Variants in CMPK2 observed in about 807,000 individuals in gnomAD.
The protein encoded by CMPK2 is cytidine/uridine monophosphate kinase 2, also known as UMP-CMP kinase 2, mitochondrial.
In CMPK2, 32 loss-of-function variants were observed where a neutral mutation model predicts 33.4. The ratio of observed to expected loss-of-function variants is 0.96; its 90% CI spans 0.72 to 1.29. The LOEUF (loss-of-function observed/expected upper bound fraction) is 1.29, where lower values mean the gene tolerates loss of function less well. CMPK2 is among the 50% of genes most tolerant of loss of function. The pLI, the probability that CMPK2 is intolerant of heterozygous loss-of-function variation, is 0.00. For missense variants in CMPK2, 672 were observed against 616.0 expected (o/e 1.09, Z -0.96); for synonymous variants, 299 against 275.3 (o/e 1.09, Z -0.85).
intron 3 of CMPK2, among the ~76,000 whole-genome samples, chr2:6,856,644 C>A (rs1662710724): frequency 1.3e-5 from 2 of 152,212 alleles, no homozygotes; most frequent in African/African-American, 4.8e-5. Context: ...TCCTTCTGAT[C>A]TCCTTATCAA....
rs894719630 is a variant in CMPK2, at chr2:6,865,304, GAA to G, written c.391_392del (p.Phe131ProfsTer8). 1 of 1,521,948 alleles carries G rather than the reference GAA, an allele frequency of 6.6e-7. No homozygotes were observed. The highest frequency in any genetic ancestry group is 8.8e-7 in the Non-Finnish European group (1 of 1,142,838). The allele number at this position is 1,521,948 out of a possible 1,614,324, so 94.3% of individuals were successfully genotyped here. A position where few individuals can be genotyped will look rare whatever the true frequency, so the allele number is the denominator to read the frequency against. ...GGQAGGAQQG[F>X]LLRDPLDDPD... ...GGTCATCCAGGGGGTCGCGCAGCAG[GAA>G]GCCTTGCTGTGCGCCGCCGGCCTGG... On this transcript the variant is annotated frameshift_variant, in exon 1 of 5. Transcript: ENST00000256722. LOFTEE classifies it high-confidence loss of function.
At chr2:6,858,193 G>A (rs959202230) in intron 3 of CMPK2, among the ~76,000 whole-genome samples, 1 of 150,986 alleles carries the variant, frequency 6.6e-6, no homozygotes, top group Non-Finnish European at 1.5e-5. Flanking sequence ...CTGTTAACCC[G>A]GGAATTTTCA....
In CMPK2 at chr2:6,848,895, G is replaced by A. The variant is rs944614460; in HGVS notation, c.*955C>T. On this transcript the variant is annotated 3_prime_UTR_variant, in exon 5 of 5. Transcript: ENST00000256722. ...AAGAAATCCCACTCCAAGATCCACT[G>A]TACTTATTTAACAAGACAAATTAAG... 1.0e-6 allele frequency: 1 copy of A among 985,412 alleles called. No homozygotes were observed. The highest frequency in any genetic ancestry group is 1.7e-5 in the African/African-American group (1 of 57,206). 61.0% of individuals were successfully genotyped at this position (985,412 alleles called of 1,614,324 possible). A position where few individuals can be genotyped will look rare whatever the true frequency, so the allele number is the denominator to read the frequency against.
downstream of CMPK2, among the ~76,000 whole-genome samples, chr2:6,847,872 C>A (rs1662400239): frequency 6.6e-6 from 1 of 152,112 alleles, no homozygotes; most frequent in African/African-American, 2.4e-5. Flanking sequence ...ACCCATGTAC[C>A]AAGCTAAATA....
rs1413211655 is a variant in CMPK2, at chr2:6,848,816, G to A, written c.*1034C>T. The A allele has an allele frequency of 1.0e-6, 1 of 985,638 alleles. No homozygotes were observed. The highest frequency in any genetic ancestry group is 1.2e-6 in the Non-Finnish European group (1 of 829,892). 61.1% of individuals were successfully genotyped at this position (985,638 alleles called of 1,614,324 possible). A position where few individuals can be genotyped will look rare whatever the true frequency, so the allele number is the denominator to read the frequency against. On this transcript the variant is annotated 3_prime_UTR_variant, in exon 5 of 5. Transcript: ENST00000256722. The stretch of plus-strand genomic sequence containing the variant: ...GCTACTTTTTTCTGTCTAAAGATAT[G>A]TCAAAGCGATTTCATATGTAATCAT...
Position 6,865,432 on chromosome 2 carries a change from C to T in CMPK2, c.265G>A (p.Val89Ile), listed in dbSNP as rs1003752458. ...CGCTGGTGCAGCCGCGCCGCCCGGA[C>T]CCGGGCCCCGCAGCCGGCGTCCGGG... is the stretch of plus-strand genomic sequence containing the variant. ...VTPDAGCGARVRAARLHQRLL... is the reference protein window; with the variant it reads ...VTPDAGCGARIRAARLHQRLL... Residue 89 changes from valine (V) to isoleucine (I), a missense_variant, in exon 1 of 5, where the codon GTC becomes ATC. Coordinates refer to ENST00000256722, the MANE Select transcript of CMPK2 (RefSeq NM_207315.4). 1.6e-6 allele frequency: 2 copies of T among 1,288,866 alleles called. No individual in the cohort carries two copies. The highest frequency in any genetic ancestry group is 9.8e-7 in the Non-Finnish European group (1 of 1,023,968). 79.8% of individuals were successfully genotyped at this position (1,288,866 alleles called of 1,614,324 possible).
chr2:6,863,134 C>A (rs972958683), intron 2 of CMPK2, among the ~76,000 whole-genome samples: 1 of 152,206 alleles, frequency 6.6e-6, no homozygotes, highest in African/African-American at 2.4e-5. Context: ...CTGCTTTCAT[C>A]ACCTGACCAA....
At chr2:6,850,980 C>G in intron 4 of CMPK2, 1 of 1,001,508 alleles carries the variant, frequency 1.0e-6, no homozygotes, top group Non-Finnish European at 1.2e-6. Context: ...TACATTTAGA[C>G]AAATCACTTA....
chr2:6,860,957 G>T (rs1662856439), intron 3 of CMPK2, among the ~76,000 whole-genome samples: 2 of 152,132 alleles, frequency 1.3e-5, no homozygotes, highest in Non-Finnish European at 2.9e-5. Flanking sequence ...CCAGATACTA[G>T]TATTATATAT....
At chr2:6,853,733 T>C (rs1662594001) in intron 3 of CMPK2, among the ~76,000 whole-genome samples, 3 of 151,984 alleles carry the variant, frequency 2.0e-5, no homozygotes. Flanking sequence ...AAACCCCGTC[T>C]TTACTAAATA....
chr2:6,864,870 C>T, intron 1 of CMPK2, 152 bp downstream of exon 1: 2 of 1,125,192 alleles, frequency 1.8e-6, no homozygotes, highest in Non-Finnish European at 2.3e-6. Context: ...AGTTGCCTGG[C>T]ATACAGGACA....
At chr2:6,864,859 GA>G in intron 1 of CMPK2, among the ~76,000 whole-genome samples, 162 bp downstream of exon 1, 1 of 152,328 alleles carries the variant, frequency 6.6e-6, no homozygotes, top group East Asian at 1.9e-4. Flanking sequence ...AATCTTAAAA[GA>G]GTTGCCTGGC....
rs1039192656 is a variant in CMPK2, at chr2:6,849,396, G to A, written c.*454C>T. 7.1e-6 allele frequency: 7 copies of A among 989,530 alleles called. No homozygotes were observed. Among genetic ancestry groups the A allele is most frequent in the Non-Finnish European group, 8.4e-6 (7 of 832,850 alleles). The allele number at this position is 989,530 out of a possible 1,614,324, so 61.3% of individuals were successfully genotyped here. The stretch of plus-strand genomic sequence containing the variant: ...AGATGCAGCGAGCCCATCATGACGA[G>A]TGCAACCAGATGTGGAAGAAGCCAA... On this transcript the variant is annotated 3_prime_UTR_variant, in exon 5 of 5. Transcript: ENST00000256722.
At position 6,863,449 on chromosome 2, in the gene CMPK2, G is replaced by T. The variant is rs1662941402; in HGVS notation, c.790+15C>A. ...TAGTGTCATTGCCTATAACTAAAAG[G>T]TAATATTATCTTACCCGTGGCATCC... On this transcript the variant is annotated intron_variant, in intron 2 of 4. Transcript: ENST00000256722. 3.7e-6 allele frequency: 6 copies of T among 1,600,248 alleles called. No individual in the cohort carries two copies. Among genetic ancestry groups the T allele is most frequent in the Non-Finnish European group, 5.1e-6 (6 of 1,168,574 alleles).
chr2:6,853,107 G>A (rs1337341169), intron 3 of CMPK2, among the ~76,000 whole-genome samples: 5 of 152,040 alleles, frequency 3.3e-5, no homozygotes, highest in Admixed American at 2.0e-4. Context: ...GCACCACCAC[G>A]CCCGGCTAAT....
At chr2:6,852,516 G>GC (rs1175350496) in intron 3 of CMPK2, among the ~76,000 whole-genome samples, 1 of 152,090 alleles carries the variant, frequency 6.6e-6, no homozygotes, top group African/African-American at 2.4e-5. Flanking sequence ...CTCCTAGGAA[G>GC]CCCCCAAACA....
Position 6,849,466 on chromosome 2 carries a change from C to T in CMPK2, c.*384G>A. On this transcript the variant is annotated 3_prime_UTR_variant, in exon 5 of 5. Transcript: ENST00000256722. ...CATCAGCATGCCAGTGTAGGAGAAG[C>T]AGAGGCTCCGGGGTCTCCCTGCTGA... 2 of 1,016,036 alleles carry T rather than the reference C, an allele frequency of 2.0e-6. No homozygotes were observed. Among genetic ancestry groups the T allele is most frequent in the South Asian group, 7.8e-5 (2 of 25,624 alleles). The allele number at this position is 1,016,036 out of a possible 1,614,324, so 62.9% of individuals were successfully genotyped here. A position where few individuals can be genotyped will look rare whatever the true frequency, so the allele number is the denominator to read the frequency against.
chr2:6,865,174 G>C lies in CMPK2; in HGVS notation c.523C>G (p.Arg175Gly). The C allele has an allele frequency of 1.2e-5, 19 of 1,533,618 alleles. No homozygotes were observed. The highest frequency in any genetic ancestry group is 1.6e-5 in the Non-Finnish European group (18 of 1,142,808). Residue 175 changes from arginine (R) to glycine (G), a missense_variant, in exon 1 of 5, where the codon CGC becomes GGC. Transcript: ENST00000256722. ...CTGCCGTCTTGCACCTCCCAGAGGC[G>C]CTGCCACAGCTGGCCGCGCGGGTCG... is the stretch of plus-strand genomic sequence containing the variant. The part of the protein sequence containing the change: ...EADPRGQLWQ[R>G]LWEVQDGRRL...
chr2:6,866,352 C>G, upstream of CMPK2: 3 of 830,090 alleles, frequency 3.6e-6, no homozygotes, highest in Non-Finnish European at 4.4e-6. Flanking sequence ...AGTTCTGGCT[C>G]TTCCCTCTCC....
Sources: allele counts gnomAD v4.1 joint callset (sites outside exome capture counted in the v4.1 genomes callset), GRCh38; gene constraint gnomAD v4.1.1; transcripts MANE v1.5; gene names NCBI Gene and HGNC (gene_info 2026-07-23, HGNC 2026-07-21).